PDS5B: variants seen among roughly 807,000 people sequenced by gnomAD.
PDS5B encodes sister chromatid cohesion protein PDS5 homolog B.
In PDS5B, 51 loss-of-function variants were observed where a neutral mutation model predicts 184.1. The observed-to-expected ratio is 0.28, with a 90% CI of 0.22 to 0.35. The LOEUF (loss-of-function observed/expected upper bound fraction) is 0.35, where lower values mean the gene tolerates loss of function less well. Among genes scored for constraint, PDS5B ranks in the 10% least tolerant of loss-of-function variants. The pLI is 1.00. For synonymous variants in PDS5B, 566 were observed against 569.2 expected, an observed-to-expected ratio of 0.99 and a Z score of 0.08; for missense variants, 1,180 against 1,723.3, an observed-to-expected ratio of 0.68 and a Z score of 5.58.
At chr13:32,677,329 A>G (rs1951098830) in intron 9 of PDS5B, among the ~76,000 whole-genome samples, 1 of 152,040 alleles carries the variant, frequency 6.6e-6, no homozygotes, top group South Asian at 2.1e-4. Context: ...TATTTATTAT[A>G]TCTTTAAATT....
chr13:32,600,804 A>C (rs1037803135), intron 1 of PDS5B, among the ~76,000 whole-genome samples: 4 of 152,196 alleles, frequency 2.6e-5, no homozygotes, highest in African/African-American at 9.7e-5. Context: ...CTTAAAGCTC[A>C]TGTGTTCTCC....
At chr13:32,765,735 C>A (rs909903696) in intron 31 of PDS5B, among the ~76,000 whole-genome samples, 6 of 152,206 alleles carry the variant, frequency 3.9e-5, no homozygotes, top group African/African-American at 1.2e-4. Flanking sequence ...TCCTGGGTAA[C>A]TGGGACCACA....
chr13:32,629,395 T>C (rs1053903198), intron 1 of PDS5B, among the ~76,000 whole-genome samples: 1 of 152,186 alleles, frequency 6.6e-6, no homozygotes, highest in Non-Finnish European at 1.5e-5. Flanking sequence ...ATACCTTGTG[T>C]TGGCTACAAT....
chr13:32,696,173 T>C (rs1288770264), intron 14 of PDS5B, among the ~76,000 whole-genome samples: 1 of 152,144 alleles, frequency 6.6e-6, no homozygotes, highest in African/African-American at 2.4e-5. Flanking sequence ...TTTATTTGAT[T>C]TATTGCTTTC....
chr13:32,766,724 G>A (rs938314408), intron 31 of PDS5B, among the ~76,000 whole-genome samples: 6 of 151,828 alleles, frequency 4.0e-5, no homozygotes, highest in Non-Finnish European at 8.8e-5. Flanking sequence ...TTCTAACCTC[G>A]GTTTTATACT....
At chr13:32,741,700 TGTGTGTG>T (rs1953562440) in intron 22 of PDS5B, among the ~76,000 whole-genome samples, 1 of 3,072 alleles carries the variant, frequency 3.3e-4, no homozygotes, top group African/African-American at 1.1e-3. Flanking sequence ...CCTTTCAGTC[TGTGTGTG>T]TGTGTGTGTG....
intron 1 of PDS5B, among the ~76,000 whole-genome samples, chr13:32,599,854 G>T (rs928852675): frequency 5.3e-5 from 8 of 152,086 alleles, no homozygotes; most frequent in African/African-American, 1.9e-4. Context: ...GGCGGAGCTT[G>T]CAGTGAGCCG....
chr13:32,631,515 T>C (rs1190403291), intron 1 of PDS5B, among the ~76,000 whole-genome samples: 1 of 152,238 alleles, frequency 6.6e-6, no homozygotes, highest in Non-Finnish European at 1.5e-5. Context: ...CCTACAGTTA[T>C]ATTCCCCAGT....
intron 1 of PDS5B, among the ~76,000 whole-genome samples, chr13:32,629,940 T>G (rs1048688299): frequency 6.6e-6 from 1 of 152,212 alleles, no homozygotes; most frequent in African/African-American, 2.4e-5. Context: ...GACTAGTTTA[T>G]AGGCTTTTAA....
In PDS5B at chr13:32,706,962, A is replaced by G. The variant is rs769735925; in HGVS notation, c.1885A>G (p.Ile629Val). ...TCTTATTAAACAAGTGAACAAATCA[A>G]TAGATGGAACAGCAGATGATGAAGA... ...SALIKQVNKS[I>V]DGTADDEDEG... Residue 629 changes from isoleucine to valine, a missense_variant, in exon 18 of 35, where the codon ATA becomes GTA. Ile to Val is a conservative substitution (Grantham distance 29). Coordinates refer to ENST00000315596, the MANE Select transcript of PDS5B (RefSeq NM_015032.4). 8 of 1,611,836 alleles carry G rather than the reference A, an allele frequency of 5.0e-6. No homozygotes were observed. Among genetic ancestry groups the G allele is most frequent in the South Asian group, 1.1e-5 (1 of 90,596 alleles).
At chr13:32,715,426 T>A (rs1408203249) in intron 19 of PDS5B, among the ~76,000 whole-genome samples, 1 of 152,214 alleles carries the variant, frequency 6.6e-6, no homozygotes, top group Non-Finnish European at 1.5e-5. Flanking sequence ...TTCCTTTTTG[T>A]TTGTATATCT....
At chr13:32,718,855 C>G (rs1320668722) in intron 19 of PDS5B, among the ~76,000 whole-genome samples, 2 of 152,050 alleles carry the variant, frequency 1.3e-5, no homozygotes, top group Admixed American at 6.5e-5. Context: ...GTAAAGTATA[C>G]AAGAAATTTG....
intron 1 of PDS5B, among the ~76,000 whole-genome samples, chr13:32,611,503 C>CTTTTTTTTT (rs35825698): frequency 1.8e-5 from 2 of 110,918 alleles, no homozygotes; most frequent in African/African-American, 6.9e-5. Flanking sequence ...TTGGTTAAAA[C>CTTTTTTTTT]TTTTTTTTTT....
At chr13:32,610,071 G>A (rs974238479) in intron 1 of PDS5B, among the ~76,000 whole-genome samples, 2 of 152,132 alleles carry the variant, frequency 1.3e-5, no homozygotes, top group African/African-American at 4.8e-5. Context: ...AGAGCACTGA[G>A]AATTTCTTGT....
intron 7 of PDS5B, among the ~76,000 whole-genome samples, chr13:32,672,399 A>G (rs1566309790): frequency 6.6e-6 from 1 of 152,178 alleles, no homozygotes; most frequent in Non-Finnish European, 1.5e-5. Context: ...ACACATATAC[A>G]TATATGTGTG....
intron 20 of PDS5B, 113 bp from the exon 21 acceptor site, chr13:32,735,059 T>C: frequency 1.6e-6 from 1 of 614,444 alleles, no homozygotes; most frequent in Non-Finnish European, 2.5e-6. Flanking sequence ...TTTTTATAAT[T>C]TGAATTACAA....
At chr13:32,625,260 G>A (rs1451660761) in intron 1 of PDS5B, among the ~76,000 whole-genome samples, 1 of 152,034 alleles carries the variant, frequency 6.6e-6, no homozygotes, top group East Asian at 1.9e-4. Flanking sequence ...GGGACTAAAG[G>A]GTGTGAGGTG....
At chr13:32,703,843 C>T (rs1951930972) in intron 17 of PDS5B, among the ~76,000 whole-genome samples, 2 of 152,024 alleles carry the variant, frequency 1.3e-5, no homozygotes, top group South Asian at 2.1e-4. Flanking sequence ...AAAAGTTGAG[C>T]AATTATTAAT....
chr13:32,592,890 C>G (rs73451412), intron 1 of PDS5B, among the ~76,000 whole-genome samples: 1,574 of 152,276 alleles, frequency 0.01, 37 homozygotes, highest in African/African-American at 0.035. Flanking sequence ...ATTACCTAAT[C>G]TTACTAAATC....
Sources: allele counts gnomAD v4.1 joint callset (sites outside exome capture counted in the v4.1 genomes callset), GRCh38; gene constraint gnomAD v4.1.1; transcripts MANE v1.5; gene names NCBI Gene and HGNC (gene_info 2026-07-23, HGNC 2026-07-21).